The following HECTD4 variants were observed in gnomAD, a reference collection of about 807,000 sequenced individuals.
HECTD4 encodes the protein HECT domain E3 ubiquitin protein ligase 4.
HECTD4 carries 114 observed loss-of-function variants against 471.5 expected under a neutral mutation model. That is an observed-to-expected ratio of 0.24 (90% CI 0.21 to 0.28). The LOEUF is 0.28. Among genes scored for constraint, HECTD4 ranks in the 10% least tolerant of loss-of-function variants. HECTD4 has a pLI of 1.00. For synonymous variants in HECTD4, 2,012 were observed against 2,256.0 expected (o/e 0.89, Z 3.07); for missense variants, 3,866 against 5,651.5 (o/e 0.68, Z 10.13).
chr12:112,302,809 A>G (rs572002854), intron 7 of HECTD4: 30 of 259,682 alleles, frequency 1.2e-4, no homozygotes, highest in African/African-American at 6.8e-4. Context: ...TATTAGGGAA[A>G]ATTTTCAACA....
chr12:112,324,020 T>C (rs2035667109), intron 1 of HECTD4, among the ~76,000 whole-genome samples: 2 of 51,776 alleles, frequency 3.9e-5, no homozygotes, highest in Admixed American at 2.4e-4. Flanking sequence ...CTTCCTTCCT[T>C]CCTTCCTTCC....
intron 7 of HECTD4, among the ~76,000 whole-genome samples, chr12:112,298,644 A>T (rs2035095578): frequency 6.6e-6 from 1 of 151,760 alleles, no homozygotes; most frequent in Admixed American, 6.6e-5. Flanking sequence ...GCACTTTGGG[A>T]GGTCAAGCCC....
intron 17 of HECTD4, 125 bp downstream of exon 17, chr12:112,263,959 G>A: frequency 1.1e-6 from 1 of 871,366 alleles, no homozygotes. Context: ...GTGGCCTAAT[G>A]TTACCTCTCA....
chr12:112,262,544 A>C (rs924433349), intron 17 of HECTD4, among the ~76,000 whole-genome samples: 9 of 147,664 alleles, frequency 6.1e-5, no homozygotes, highest in African/African-American at 2.0e-4. Context: ...AAAAAAAAAG[A>C]ATCTACTAAG....
intron 1 of HECTD4, among the ~76,000 whole-genome samples, chr12:112,357,591 T>C (rs921803500): frequency 2.0e-5 from 3 of 152,146 alleles, no homozygotes; most frequent in African/African-American, 4.8e-5. Flanking sequence ...CCTCTGAAAA[T>C]TGGCCATTTT....
Position 112,228,615 on chromosome 12 carries a change from A to T in HECTD4, c.6684+32T>A, listed in dbSNP as rs2033299316. 6.3e-7 allele frequency: 1 copy of T among 1,579,738 alleles called. No homozygotes were observed. The highest frequency in any genetic ancestry group is 1.4e-5 in the African/African-American group (1 of 73,502). On this transcript the variant is annotated intron_variant, in intron 42 of 75. Transcript: ENST00000682272. The surrounding 1 kb of genome is among the most constrained non-coding windows in gnomAD (Gnocchi z 4.9). ...ATTACAGTACAGTTACCATTGGCAG[A>T]CATTTTACAAAGCATTTAAAAATCA...
At chr12:112,221,482 G>A (rs1409375299) in intron 44 of HECTD4, among the ~76,000 whole-genome samples, 3 of 152,122 alleles carry the variant, frequency 2.0e-5, no homozygotes, top group African/African-American at 4.8e-5. Flanking sequence ...CAAGCATTCC[G>A]CCTGCCTTGG....
chr12:112,316,391 T>G (rs548637551), intron 2 of HECTD4, among the ~76,000 whole-genome samples: 5 of 152,318 alleles, frequency 3.3e-5, no homozygotes, highest in Admixed American at 3.3e-4. Flanking sequence ...CTATAGTGAA[T>G]ATTCCTCTCT....
At chr12:112,367,298 C>CA (rs1007644715) in intron 1 of HECTD4, among the ~76,000 whole-genome samples, 1,782 of 81,714 alleles carry the variant, frequency 0.022, 46 homozygotes, top group African/African-American at 0.071. Flanking sequence ...GACTTGGTCT[C>CA]AAAAAAAAAA....
At chr12:112,189,839 C>T (rs371526534) in intron 60 of HECTD4, among the ~76,000 whole-genome samples, 138 of 152,072 alleles carry the variant, frequency 9.1e-4, no homozygotes, top group African/African-American at 2.8e-3. Context: ...CTGCAACCTC[C>T]GCCTCCTGGG....
chr12:112,265,883 A>G lies in HECTD4; in HGVS notation c.2493T>C (p.His831=). ...AATAATATAACTGGTGTCACCTGTA[A>G]TGATCATCCTCATCACTGCCAAATC... ...NNRFGSDEDD[H]YRLNDELLHY... is the part of the protein sequence containing the mutation. Residue 831 remains histidine (H), a synonymous_variant, in exon 15 of 76, where the codon CAT becomes CAC. Coordinates refer to ENST00000682272, the MANE Select transcript of HECTD4 (RefSeq NM_001388303.1). 1 of 1,612,290 alleles carries G rather than the reference A, an allele frequency of 6.2e-7. No individual in the cohort carries two copies. The highest frequency in any genetic ancestry group is 8.5e-7 in the Non-Finnish European group (1 of 1,178,356).
chr12:112,296,933 AG>A (rs2035041712), intron 7 of HECTD4, among the ~76,000 whole-genome samples: 1 of 149,848 alleles, frequency 6.7e-6, no homozygotes, highest in African/African-American at 2.5e-5. Flanking sequence ...GTGTAGGTGC[AG>A]TGGATCTAGG....
chr12:112,331,964 G>A (rs1289089315), intron 1 of HECTD4, among the ~76,000 whole-genome samples: 2 of 152,222 alleles, frequency 1.3e-5, no homozygotes, highest in African/African-American at 4.8e-5. Context: ...ACTAGAGTGT[G>A]TCCAGAAGAA....
chr12:112,171,180 C>G lies in HECTD4; in HGVS notation c.11869G>C (p.Val3957Leu). The G allele has an allele frequency of 6.2e-7, 1 of 1,613,440 alleles. No homozygotes were observed. Among genetic ancestry groups the G allele is most frequent in the Non-Finnish European group, 8.5e-7 (1 of 1,179,724 alleles). Residue 3957 changes from valine (V) to leucine (L), a missense_variant, in exon 68 of 76, where the codon GTG (valine) becomes CTG (leucine). Transcript: ENST00000682272. ...TTLETFFLPL[V>L]ELRQTPMYTH... ...TACATGGGTGTCTGGCGCAGCTCCA[C>G]CAGGGGCAGGAAGAAGGTCTCCAGT... is the stretch of plus-strand genomic sequence containing the variant.
chr12:112,293,656 A>G (rs2034946356), intron 7 of HECTD4, among the ~76,000 whole-genome samples: 1 of 152,194 alleles, frequency 6.6e-6, no homozygotes, highest in Non-Finnish European at 1.5e-5. Flanking sequence ...AAAACAGAAA[A>G]GGAAAAACAA....
intron 52 of HECTD4, among the ~76,000 whole-genome samples, chr12:112,207,427 G>GC (rs5800939): frequency 1 from 152,336 of 152,336 alleles, 76,168 homozygotes; most frequent in Non-Finnish European, 1. Flanking sequence ...ACAGGCGTGA[G>GC]CACCATGGCC....
intron 7 of HECTD4, among the ~76,000 whole-genome samples, chr12:112,291,072 C>T (rs1345426568): frequency 1.3e-5 from 2 of 152,014 alleles, no homozygotes; most frequent in Non-Finnish European, 2.9e-5. Context: ...CATTCCTGCC[C>T]CCTTCTCACA....
At chr12:112,253,904 A>T (rs899010781) in intron 22 of HECTD4, 139 bp downstream of exon 22, 2 of 726,888 alleles carry the variant, frequency 2.8e-6, no homozygotes, top group Non-Finnish European at 4.4e-6. Flanking sequence ...GAGTGAGCTG[A>T]CAGGCCTGGT....
chr12:112,366,087 A>G (rs1013358629), intron 1 of HECTD4, among the ~76,000 whole-genome samples: 2 of 152,048 alleles, frequency 1.3e-5, no homozygotes, highest in African/African-American at 4.8e-5. Context: ...CCTGTTTAAA[A>G]TGATTAGCAG....
Sources: allele counts gnomAD v4.1 joint callset (sites outside exome capture counted in the v4.1 genomes callset), GRCh38; gene constraint gnomAD v4.1.1; non-coding constraint Gnocchi (gnomAD v3.1); transcripts MANE v1.5; gene names NCBI Gene and HGNC (gene_info 2026-07-23, HGNC 2026-07-21).